Variants in EEF2K observed in about 807,000 individuals in gnomAD.
EEF2K encodes eukaryotic elongation factor 2 kinase.
A neutral mutation model predicts 93.8 loss-of-function variants in EEF2K; 70 were observed. The ratio of observed to expected loss-of-function variants is 0.75; its 90% CI spans 0.62 to 0.91. The LOEUF (loss-of-function observed/expected upper bound fraction) is 0.91. EEF2K is among the 40% of genes least tolerant of loss of function. The probability of loss-of-function intolerance (pLI) is 0.00; values close to 1 mark genes in which losing one functional copy is unlikely to be tolerated. For missense variants in EEF2K, 935 were observed against 972.9 expected (o/e 0.96, Z 0.52); for synonymous variants, 376 against 380.8 (o/e 0.99, Z 0.15).
intron 1 of EEF2K, among the ~76,000 whole-genome samples, chr16:22,223,282 G>A (rs2047032685): frequency 8.1e-6 from 1 of 123,694 alleles, no homozygotes; most frequent in African/African-American, 3.9e-5. Context: ...TTTTTTTTTG[G>A]TTTTGTTTTG....
chr16:22,224,389 G>A (rs2142105802), intron 1 of EEF2K, among the ~76,000 whole-genome samples: 1 of 152,248 alleles, frequency 6.6e-6, no homozygotes, highest in South Asian at 2.1e-4. Context: ...CCAGCATTTT[G>A]GGAGGCCAAG....
intron 1 of EEF2K, among the ~76,000 whole-genome samples, chr16:22,224,563 T>A (rs940932067): frequency 4.0e-5 from 6 of 150,678 alleles, no homozygotes; most frequent in Non-Finnish European, 5.9e-5. Flanking sequence ...GCCTGTGAGG[T>A]CAAGCAGTGA....
chr16:22,264,253 CTG>C (rs1489542832), intron 12 of EEF2K, among the ~76,000 whole-genome samples: 11 of 138,316 alleles, frequency 8.0e-5, no homozygotes, highest in Non-Finnish European at 1.5e-4. Context: ...GGTCATGCCG[CTG>C]CACTCCAGCC....
At chr16:22,280,663 CTTTTTTT>C (rs11289061) in intron 17 of EEF2K, among the ~76,000 whole-genome samples, 1 of 130,162 alleles carries the variant, frequency 7.7e-6, no homozygotes, top group East Asian at 2.2e-4. Flanking sequence ...TCCTTTCTTT[CTTTTTTT>C]TTTTTTTTTT....
chr16:22,282,315 AT>A, intron 17 of EEF2K, among the ~76,000 whole-genome samples: 1 of 152,326 alleles, frequency 6.6e-6, no homozygotes, highest in African/African-American at 2.4e-5. Flanking sequence ...GTGTCCTCAC[AT>A]GACCTTTCTC....
At position 22,247,668 on chromosome 16, in the gene EEF2K, C is replaced by T. The variant is rs1009642996; in HGVS notation, c.348-1087C>T. On this transcript the variant is annotated intron_variant, in intron 3 of 17. Coordinates refer to ENST00000263026, the MANE Select transcript of EEF2K (RefSeq NM_013302.5). ...CTTTTTGCCCAATCACATTGCTTCA[C>T]GCCATCCCTGCTTCACTGAACCTCA... 4.6e-5 allele frequency among the ~76,000 whole-genome samples: 7 copies of T among 152,268 alleles called. No individual in the cohort carries two copies. In the South Asian group the frequency reaches 6.2e-4, roughly 14 times the overall value.
intron 2 of EEF2K, among the ~76,000 whole-genome samples, chr16:22,230,107 C>A (rs540414239): frequency 6.6e-6 from 1 of 152,298 alleles, no homozygotes; most frequent in South Asian, 2.1e-4. Flanking sequence ...AATGAACACC[C>A]ACCCCGAGGA....
chr16:22,262,247 C>T lies in EEF2K; in HGVS notation c.1300-863C>T, dbSNP rs1423125678. On this transcript the variant is annotated intron_variant, in intron 11 of 17. Coordinates refer to ENST00000263026, the MANE Select transcript of EEF2K (RefSeq NM_013302.5). ...CCCAACTAGGCCAGGCACGGTGGCT[C>T]ACGCCTGTAATCCCAACACTTTGGG... is the stretch of plus-strand genomic sequence containing the variant. Among the ~76,000 whole-genome samples, 6 of 152,222 alleles carry T rather than the reference C, an allele frequency of 3.9e-5. 1 individual carries two copies. In the East Asian group the frequency reaches 9.7e-4, roughly 25 times the overall value.
intron 2 of EEF2K, among the ~76,000 whole-genome samples, chr16:22,243,669 C>T (rs569493443): frequency 2.0e-5 from 3 of 152,012 alleles, no homozygotes; most frequent in Admixed American, 1.3e-4. Context: ...CTGCTGTAAT[C>T]CCAGCACTTT....
chr16:22,243,264 T>G (rs1054492366), intron 2 of EEF2K, among the ~76,000 whole-genome samples: 3 of 150,508 alleles, frequency 2.0e-5, no homozygotes, highest in Admixed American at 2.0e-4. Flanking sequence ...TTTTTTTTTT[T>G]TTTCTGAGAC....
intron 6 of EEF2K, among the ~76,000 whole-genome samples, chr16:22,254,127 C>CAATAATAAT (rs61678774): frequency 6.0e-5 from 9 of 150,464 alleles, no homozygotes; most frequent in Non-Finnish European, 8.9e-5. Flanking sequence ...GTAGTAGTAA[C>CAATAATAAT]AATAATAATA....
At position 22,226,081 on chromosome 16, in the gene EEF2K, CA is replaced by C. The variant is rs1403462618; in HGVS notation, c.246+107del. The C allele has an allele frequency of 4.7e-6, 7 of 1,494,942 alleles. No homozygotes were observed. The African/African-American group carries it at 9.7e-5, about 21-fold the overall frequency. 92.6% of individuals were successfully genotyped at this position (1,494,942 alleles called of 1,614,324 possible). ...CTTCTTCGTATTTCCAAACCCTGGA[CA>C]GTGCTCTAAACTCTGAGCTGAGGAT... On this transcript the variant is annotated intron_variant, in intron 2 of 17. Coordinates refer to ENST00000263026, the MANE Select transcript of EEF2K (RefSeq NM_013302.5).
chr16:22,236,562 G>GT (rs2047169850), intron 2 of EEF2K, among the ~76,000 whole-genome samples: 1 of 151,986 alleles, frequency 6.6e-6, no homozygotes, highest in Non-Finnish European at 1.5e-5. Context: ...TGAAGTGACT[G>GT]TAACAGGTGA....
intron 2 of EEF2K, among the ~76,000 whole-genome samples, chr16:22,227,177 C>T (rs2047073172): frequency 6.6e-6 from 1 of 152,120 alleles, no homozygotes; most frequent in African/African-American, 2.4e-5. Flanking sequence ...CCAGCCTGGA[C>T]AGCAAGAGTG....
chr16:22,220,874 C>T (rs2047005454), intron 1 of EEF2K, among the ~76,000 whole-genome samples: 1 of 152,236 alleles, frequency 6.6e-6, no homozygotes, highest in Non-Finnish European at 1.5e-5. Flanking sequence ...CTGCTGGCAG[C>T]TCCTGGCACC....
chr16:22,280,973 T>C (rs1036207999), intron 17 of EEF2K, among the ~76,000 whole-genome samples: 41 of 151,846 alleles, frequency 2.7e-4, no homozygotes, highest in African/African-American at 9.4e-4. Flanking sequence ...AGAGTTTCAC[T>C]CTTGTAGCCC....
At chr16:22,257,032 GA>G (rs1202800506) in intron 7 of EEF2K, 135 bp downstream of exon 7, 129 of 1,443,246 alleles carry the variant, frequency 8.9e-5, no homozygotes, top group Non-Finnish European at 1.2e-4. Context: ...GGAGCATTCA[GA>G]AGGAGACCCG....
intron 2 of EEF2K, among the ~76,000 whole-genome samples, chr16:22,238,378 G>A (rs2047189217): frequency 1.3e-5 from 2 of 151,922 alleles, no homozygotes; most frequent in African/African-American, 4.8e-5. Context: ...CCTACAGATG[G>A]GCAGTTTGTA....
intron 2 of EEF2K, among the ~76,000 whole-genome samples, chr16:22,242,250 G>A (rs1182034536): frequency 6.6e-6 from 1 of 152,178 alleles, no homozygotes; most frequent in Admixed American, 6.5e-5. Flanking sequence ...CACTGCCTGA[G>A]CTGCTTCTAT....
Sources: allele counts gnomAD v4.1 joint callset (sites outside exome capture counted in the v4.1 genomes callset), GRCh38; gene constraint gnomAD v4.1.1; transcripts MANE v1.5; gene names NCBI Gene and HGNC (gene_info 2026-07-23, HGNC 2026-07-21).